Variants in SLIT3 observed in about 807,000 individuals in gnomAD.
SLIT3 encodes slit homolog 3 protein.
In SLIT3, 68 loss-of-function variants were observed where a neutral mutation model predicts 184.0. The ratio of observed to expected loss-of-function variants is 0.37; its 90% CI spans 0.30 to 0.45. The LOEUF is 0.45. Ranked by LOEUF, SLIT3 falls within the 20% of genes least tolerant of loss-of-function variation. The probability of loss-of-function intolerance (pLI) is 1.00; values close to 1 mark genes in which losing one functional copy is unlikely to be tolerated. For missense variants in SLIT3, 1,707 were observed against 2,026.0 expected, an observed-to-expected ratio of 0.84 and a Z score of 3.02; for synonymous variants, 831 against 828.6, an observed-to-expected ratio of 1.00 and a Z score of -0.05.
chr5:169,002,961 GTT>G (rs1755772606), intron 4 of SLIT3, among the ~76,000 whole-genome samples: 2 of 152,196 alleles, frequency 1.3e-5, no homozygotes, highest in African/African-American at 4.8e-5. Context: ...AAAAGAAGAA[GTT>G]TGTCTGAATC....
At chr5:169,231,395 C>T (rs148624894) in intron 3 of SLIT3, among the ~76,000 whole-genome samples, 3 of 152,282 alleles carry the variant, frequency 2.0e-5, no homozygotes, top group East Asian at 1.9e-4. Flanking sequence ...AACACCACCT[C>T]GGCTTTTAAC....
At chr5:169,257,985 A>G (rs1485075329) in intron 1 of SLIT3, among the ~76,000 whole-genome samples, 1 of 152,230 alleles carries the variant, frequency 6.6e-6, no homozygotes, top group Admixed American at 6.5e-5. Context: ...CGCACCAGGT[A>G]CTGTGCTGAG....
intron 4 of SLIT3, among the ~76,000 whole-genome samples, chr5:169,090,785 C>T (rs1313051621): frequency 6.6e-6 from 1 of 152,178 alleles, no homozygotes; most frequent in Admixed American, 6.6e-5. Context: ...CTGGCAGCTG[C>T]TAGAAGCTGG....
At chr5:168,893,849 G>C (rs556624591) in intron 4 of SLIT3, among the ~76,000 whole-genome samples, 3 of 152,312 alleles carry the variant, frequency 2.0e-5, no homozygotes, top group African/African-American at 7.2e-5. Flanking sequence ...TGGCCTGATA[G>C]CCTAGGTTCA....
At chr5:169,297,728 T>C (rs1376005604) in intron 1 of SLIT3, among the ~76,000 whole-genome samples, 2 of 152,212 alleles carry the variant, frequency 1.3e-5, no homozygotes, top group Non-Finnish European at 2.9e-5. Flanking sequence ...GCTTACATTC[T>C]TTACATTGAA....
chr5:168,901,017 G>T (rs1760848728), intron 4 of SLIT3, among the ~76,000 whole-genome samples: 1 of 152,140 alleles, frequency 6.6e-6, no homozygotes, highest in South Asian at 2.1e-4. Context: ...CGTTACTGGG[G>T]TGACGGATAT....
At chr5:168,907,935 A>G (rs1199619838) in intron 4 of SLIT3, among the ~76,000 whole-genome samples, 7 of 82,902 alleles carry the variant, frequency 8.4e-5, no homozygotes, top group African/African-American at 2.4e-4. Flanking sequence ...TTATATATAT[A>G]TTATACGTGT....
intron 18 of SLIT3, among the ~76,000 whole-genome samples, chr5:168,751,069 G>A (rs1026603187): frequency 6.6e-6 from 1 of 151,968 alleles, no homozygotes; most frequent in African/African-American, 2.4e-5. Context: ...GGCTGGGGGA[G>A]GGTGCTCCAG....
intron 4 of SLIT3, among the ~76,000 whole-genome samples, chr5:168,982,364 G>A (rs563779371): frequency 3.5e-4 from 54 of 152,272 alleles, no homozygotes; most frequent in African/African-American, 1.3e-3. Context: ...CTCTCCATGT[G>A]ATACCCTGTG....
rs956506019 is a variant in SLIT3, at chr5:168,967,624, T to C, written c.414-84288A>G. Among the ~76,000 whole-genome samples the C allele has an allele frequency of 4.2e-4, 61 of 145,660 alleles. 2 individuals carry two copies. The highest frequency in any genetic ancestry group is 6.4e-4 in the Non-Finnish European group (42 of 65,382). ...CCGGCTAATCTTTTTGTATTTTTAG[T>C]AGAGACGGGGTTTCACCGTTTTAGC... On this transcript the variant is annotated intron_variant, in intron 4 of 35. Coordinates refer to ENST00000519560, the MANE Select transcript of SLIT3 (RefSeq NM_003062.4).
intron 4 of SLIT3, among the ~76,000 whole-genome samples, chr5:168,897,450 A>C (rs1474164140): frequency 6.6e-6 from 1 of 152,128 alleles, no homozygotes; most frequent in African/African-American, 2.4e-5. Context: ...AGGGAGAGAA[A>C]GACAGTTAAA....
chr5:169,160,885 A>G (rs986897428), intron 4 of SLIT3, among the ~76,000 whole-genome samples: 1 of 152,220 alleles, frequency 6.6e-6, no homozygotes, highest in Non-Finnish European at 1.5e-5. Context: ...TAGCTCTCTA[A>G]CATGGCAATG....
intron 32 of SLIT3, among the ~76,000 whole-genome samples, chr5:168,681,953 G>A (rs564645978): frequency 1.2e-4 from 19 of 152,326 alleles, no homozygotes; most frequent in African/African-American, 4.6e-4. Context: ...CATGGGAAGG[G>A]GGAGGGGGAA....
chr5:168,961,979 G>T (rs1361292916), intron 4 of SLIT3, among the ~76,000 whole-genome samples: 1 of 152,106 alleles, frequency 6.6e-6, no homozygotes, highest in Non-Finnish European at 1.5e-5. Flanking sequence ...TCAGGGTGTT[G>T]TGACTGAGTC....
At chr5:169,286,182 T>A (rs1400476872) in intron 1 of SLIT3, among the ~76,000 whole-genome samples, 1 of 152,192 alleles carries the variant, frequency 6.6e-6, no homozygotes, top group East Asian at 1.9e-4. Flanking sequence ...CAGGTCACAC[T>A]AACTCCAGCA....
At chr5:168,865,168 C>T (rs192825262) in intron 5 of SLIT3, among the ~76,000 whole-genome samples, 1,770 of 108,520 alleles carry the variant, frequency 0.016, 29 homozygotes, top group South Asian at 0.074. Flanking sequence ...AGTGAAACTC[C>T]GTCTCAAAAA....
At chr5:168,782,022 T>G (rs943202040) in intron 12 of SLIT3, among the ~76,000 whole-genome samples, 4 of 152,180 alleles carry the variant, frequency 2.6e-5, no homozygotes, top group African/African-American at 9.7e-5. Flanking sequence ...AAGTATTCAA[T>G]AAATGTTAGC....
chr5:168,986,604 G>A (rs1755140608), intron 4 of SLIT3, among the ~76,000 whole-genome samples: 1 of 152,156 alleles, frequency 6.6e-6, no homozygotes, highest in Admixed American at 6.5e-5. Flanking sequence ...GACCATCCAG[G>A]CATGCTGTGA....
intron 20 of SLIT3, among the ~76,000 whole-genome samples, chr5:168,729,936 G>C (rs993721993): frequency 2.0e-5 from 3 of 151,970 alleles, no homozygotes; most frequent in African/African-American, 7.2e-5. Flanking sequence ...TGTCAGAATG[G>C]ATAAAGAAAC....
Sources: allele counts gnomAD v4.1 joint callset (sites outside exome capture counted in the v4.1 genomes callset), GRCh38; gene constraint gnomAD v4.1.1; transcripts MANE v1.5; gene names NCBI Gene and HGNC (gene_info 2026-07-23, HGNC 2026-07-21).